PCYT1B: variants seen among roughly 807,000 people sequenced by gnomAD.
PCYT1B encodes the protein choline-phosphate cytidylyltransferase B.
In PCYT1B, 10 loss-of-function variants were observed where a neutral mutation model predicts 26.4. The observed-to-expected ratio is 0.38, with a 90% CI of 0.23 to 0.64. The LOEUF (loss-of-function observed/expected upper bound fraction) is 0.64. PCYT1B is among the 30% of genes least tolerant of loss of function. The probability of loss-of-function intolerance (pLI) is 0.56; values close to 1 mark genes in which losing one functional copy is unlikely to be tolerated. For synonymous variants in PCYT1B, 131 were observed against 108.4 expected (o/e 1.21, Z -1.29); for missense variants, 161 against 292.7 (o/e 0.55, Z 3.28).
upstream of PCYT1B, among the ~76,000 whole-genome samples, chrX:24,651,472 A>AAAAAAAAATATATAT (rs1555965467): frequency 3.8e-5 from 1 of 26,059 alleles, no homozygotes; most frequent in Non-Finnish European, 6.0e-5. Context: ...AAAAAAAAAA[A>AAAAAAAAATATATAT]ATATATATAT....
rs988398753 is a variant in PCYT1B at position 24,600,890 on chromosome X, C to T, written c.334+6855G>A. The stretch of plus-strand genomic sequence containing the variant: ...TGACAAAGGAGCAAAGGCAAGCAAA[C>T]ATAGACCTTTCAACAAATGGAACAA... On this transcript the variant is annotated intron_variant, in intron 3 of 7. Transcript: ENST00000379144. 2.9e-5 allele frequency among the ~76,000 whole-genome samples: 3 copies of T among 104,253 alleles called. No homozygotes were observed. In the East Asian group the frequency reaches 9.2e-4, roughly 32 times the overall value. 90.5% of individuals were successfully genotyped at this position (104,253 alleles called of 115,157 possible).
intron 1 of PCYT1B, among the ~76,000 whole-genome samples, chrX:24,662,535 G>A (rs144647676): frequency 2.0e-4 from 22 of 112,078 alleles, no homozygotes; most frequent in South Asian, 7.5e-4. Context: ...GCTCATCTGA[G>A]TGTTGGAGAA....
Position 24,625,322 on chromosome X carries a change from A to G in PCYT1B, c.118-6238T>C, listed in dbSNP as rs147673276. Among the ~76,000 whole-genome samples the G allele has an allele frequency of 6.8e-4, 76 of 112,152 alleles. 1 individual carries two copies. The highest frequency in any genetic ancestry group is 2.4e-3 in the African/African-American group (73 of 30,874). On this transcript the variant is annotated intron_variant, in intron 1 of 7. Coordinates refer to ENST00000379144, the MANE Select transcript of PCYT1B (RefSeq NM_004845.5). ...GGTTTATATTTACTTGTTTCTGAAC[A>G]TATTTTTAAAACCTTATTTATTGTG... is the stretch of plus-strand genomic sequence containing the variant.
At chrX:24,579,527 G>A in intron 5 of PCYT1B, 69 bp from the exon 6 acceptor site, 4 of 1,052,627 alleles carry the variant, frequency 3.8e-6, no homozygotes, top group Middle Eastern at 2.9e-4. Flanking sequence ...CTCCTTTAAT[G>A]GTCCCCCTTT....
At chrX:24,650,156 T>C (rs1926732953), upstream of PCYT1B, 1 of 111,688 alleles carries the variant, frequency 9.0e-6, no homozygotes, top group African/African-American at 3.3e-5. Flanking sequence ...TTGAGTGAGT[T>C]ATTTTAACTT....
chrX:24,641,713 A>C (rs913970473), intron 1 of PCYT1B, among the ~76,000 whole-genome samples: 6 of 112,416 alleles, frequency 5.3e-5, no homozygotes, highest in African/African-American at 1.9e-4. Flanking sequence ...TCTCATTAAT[A>C]ATTTTTATAT....
chrX:24,630,488 G>C (rs966879414), intron 1 of PCYT1B, among the ~76,000 whole-genome samples: 1 of 111,209 alleles, frequency 9.0e-6, no homozygotes, highest in South Asian at 3.9e-4. Flanking sequence ...CTAGAGATGG[G>C]GTTTCACCGT....
chrX:24,605,460 C>A (rs780855141), intron 3 of PCYT1B, among the ~76,000 whole-genome samples: 91 of 111,814 alleles, frequency 8.1e-4, no homozygotes, highest in African/African-American at 2.7e-3. Context: ...TTCTCTTTTC[C>A]TATATTTCTT....
At chrX:24,664,550 A>G (rs758985571) in intron 1 of PCYT1B, among the ~76,000 whole-genome samples, 1 of 112,363 alleles carries the variant, frequency 8.9e-6, no homozygotes, top group African/African-American at 3.2e-5. Flanking sequence ...AGGACGTACC[A>G]TCTCCTGACA....
chrX:24,650,658 C>CA (rs1360163166), upstream of PCYT1B, among the ~76,000 whole-genome samples: 1 of 111,360 alleles, frequency 9.0e-6, no homozygotes, highest in African/African-American at 3.3e-5. Flanking sequence ...GTAATGATTT[C>CA]AAAAAATCCA....
In PCYT1B at chrX:24,587,260, G is replaced by A; in HGVS notation, c.546C>T (p.Tyr182=). The A allele has an allele frequency of 8.3e-7, 1 of 1,203,649 alleles. No individual in the cohort carries two copies. Among genetic ancestry groups the A allele is most frequent in the South Asian group, 1.8e-5 (1 of 56,719 alleles). The part of the protein sequence containing the change: ...PYSSAGSDDV[Y]KHIKEAGMFV... ...CCTCACCTGCTTCCTTTATGTGCTT[G>A]TAAACATCATCAGAGCCAGCAGAGG... Residue 182 remains tyrosine, a synonymous_variant, in exon 5 of 8, where the codon TAC becomes TAT. Transcript: ENST00000379144.
chrX:24,672,603 T>C lies in PCYT1B; in HGVS notation c.30A>G (p.Glu10=), dbSNP rs767768083. Reference sequence around the variant, plus strand: ...ACAATTGGGGAGCGCGATTGTCCTCTTCCATGATGCACTCCTGATGGCCTA... The same window carrying C: ...ACAATTGGGGAGCGCGATTGTCCTCCTCCATGATGCACTCCTGATGGCCTA... Residue 10 remains glutamate (E), a synonymous_variant, in exon 1 of 8, where the codon GAA becomes GAG. Transcript: ENST00000379145. 5.8e-6 allele frequency: 7 copies of C among 1,205,536 alleles called. No homozygotes were observed. In the Admixed American group the frequency reaches 1.5e-4, roughly 26 times the overall value.
intron 7 of PCYT1B, among the ~76,000 whole-genome samples, chrX:24,566,044 A>G (rs1304630443): frequency 8.9e-6 from 1 of 112,131 alleles, no homozygotes; most frequent in Non-Finnish European, 1.9e-5. Context: ...GATACATTTT[A>G]TATATCAGAT....
chrX:24,641,518 T>C (rs1012351406), intron 1 of PCYT1B, among the ~76,000 whole-genome samples: 3 of 112,050 alleles, frequency 2.7e-5, no homozygotes, highest in African/African-American at 9.7e-5. Context: ...CTGTGCAACA[T>C]GAAAAGTATT....
At position 24,582,990 on chromosome X, in the gene PCYT1B, C is replaced by T. The variant is rs764209335; in HGVS notation, c.566-3532G>A. Among the ~76,000 whole-genome samples, 8 of 111,752 alleles carry T rather than the reference C, an allele frequency of 7.2e-5. No individual in the cohort carries two copies. In the East Asian group the frequency reaches 1.1e-3, roughly 16 times the overall value. On this transcript the variant is annotated intron_variant, in intron 5 of 7. Transcript: ENST00000379144. ...TCCTTGCACATAGGAAAAGTTACAT[C>T]GAGTCTTAGCCTGTGCTACTAGGGC...
upstream of PCYT1B, among the ~76,000 whole-genome samples, chrX:24,651,465 AAAAAAAAATATATATATATAT>A (rs1416590294): frequency 7.1e-5 from 2 of 28,253 alleles, no homozygotes; most frequent in African/African-American, 2.4e-4. Context: ...AAAAAAAAAA[AAAAAAAAATATATATATATAT>A]ATATATATAT....
chrX:24,638,707 T>C (rs1191095309), intron 1 of PCYT1B, among the ~76,000 whole-genome samples: 2 of 111,968 alleles, frequency 1.8e-5, no homozygotes, highest in African/African-American at 3.2e-5. Flanking sequence ...GTAAGAGTTT[T>C]GGGACTACAG....
In PCYT1B at chrX:24,601,407, T is replaced by A. The variant is rs183166335; in HGVS notation, c.334+6338A>T. ...ACTCGGGAGGCTGAGGCACAAGAAT[T>A]GCTTGAACCCGGGAGGCAGAGGTTG... On this transcript the variant is annotated intron_variant, in intron 3 of 7. Transcript: ENST00000379144. Among the ~76,000 whole-genome samples, 374 of 108,885 alleles carry A rather than the reference T, an allele frequency of 3.4e-3. 3 individuals are homozygous for A. Among genetic ancestry groups the A allele is most frequent in the Non-Finnish European group, 5.3e-3 (279 of 52,480 alleles). The allele number at this position is 108,885 out of a possible 115,157, so 94.6% of individuals were successfully genotyped here. A position where few individuals can be genotyped will look rare whatever the true frequency, so the allele number is the denominator to read the frequency against.
In PCYT1B at chrX:24,562,058, A is replaced by T; in HGVS notation, c.*235T>A. On this transcript the variant is annotated 3_prime_UTR_variant, in exon 8 of 8. Coordinates refer to ENST00000379144, the MANE Select transcript of PCYT1B (RefSeq NM_004845.5). ...CTTAGCAAGGTTAGAGTGACTCTAGACGCTAAGGTTTGTGTAGGTTGTCCA... is the reference window on the plus strand; with the variant it reads ...CTTAGCAAGGTTAGAGTGACTCTAGTCGCTAAGGTTTGTGTAGGTTGTCCA... The T allele has an allele frequency of 8.4e-7, 1 of 1,194,909 alleles. No individual in the cohort carries two copies. The highest frequency in any genetic ancestry group is 1.8e-5 in the South Asian group (1 of 56,364).
Sources: allele counts gnomAD v4.1 joint callset (sites outside exome capture counted in the v4.1 genomes callset), GRCh38; gene constraint gnomAD v4.1.1; transcripts MANE v1.5; gene names NCBI Gene and HGNC (gene_info 2026-07-23, HGNC 2026-07-21).